GABBR1: variants seen among roughly 807,000 people sequenced by gnomAD.
The protein encoded by GABBR1 is GABA-B receptor, R1 subunit.
In GABBR1, 35 loss-of-function variants were observed where a neutral mutation model predicts 117.7. The observed-to-expected ratio is 0.30, with a 90% CI of 0.23 to 0.39. GABBR1 has a LOEUF of 0.39. Ranked by LOEUF, GABBR1 falls within the 10% of genes least tolerant of loss-of-function variation. The probability of loss-of-function intolerance (pLI) is 1.00; values close to 1 mark genes in which losing one functional copy is unlikely to be tolerated. For synonymous variants in GABBR1, 442 were observed against 486.6 expected (o/e 0.91, Z 1.21); for missense variants, 709 against 1,241.8 (o/e 0.57, Z 6.45).
chr6:29,628,879 A>G (rs560701792), intron 5 of GABBR1, among the ~76,000 whole-genome samples: 46 of 151,604 alleles, frequency 3.0e-4, no homozygotes, highest in Admixed American at 2.7e-3. Flanking sequence ...CCAAGCAGGG[A>G]CAAGGAGAGA....
intron 5 of GABBR1, chr6:29,628,018 G>T: frequency 7.8e-7 from 1 of 1,287,754 alleles, no homozygotes; most frequent in Non-Finnish European, 9.8e-7. Context: ...CTGACTGACC[G>T]ACGGAGGGGA....
chr6:29,629,315 A>T, intron 4 of GABBR1: 1 of 696,642 alleles, frequency 1.4e-6, no homozygotes, highest in Non-Finnish European at 2.6e-6. Context: ...TCGATTTTTC[A>T]TAGGACAACA....
chr6:29,606,902 T>C lies in GABBR1; in HGVS notation c.2212A>G (p.Ile738Val), dbSNP rs1220071446. Residue 738 changes from isoleucine (I) to valine (V), a missense_variant, in exon 18 of 23, where the codon ATT becomes GTT. Ile to Val is a conservative substitution (Grantham distance 29). Around this residue, in one of 9 missense-constraint regions of GABBR1, gnomAD observed 251 missense variants for 445.3 expected, o/e 0.56. Coordinates refer to ENST00000377034, the MANE Select transcript of GABBR1 (RefSeq NM_001470.4). The surrounding 1 kb of genome is among the most constrained non-coding windows in gnomAD (Gnocchi z 4.5). ...WQIVDPLHRT[I>V]ETFAKEEPKE... ...CACCTCCTCTCCAGTGGTACCTCAA[T>C]GGTCCGGTGCAGAGGGTCCACGATC... 2.5e-6 allele frequency: 4 copies of C among 1,613,734 alleles called. No individual in the cohort carries two copies. Among genetic ancestry groups the C allele is most frequent in the Non-Finnish European group, 3.4e-6 (4 of 1,179,582 alleles).
In GABBR1 at chr6:29,608,646, G is replaced by C; in HGVS notation, c.1947C>G (p.Leu649=). ...LALAAVFPLG[L]DGYHIGRNQF... Reference sequence around the variant, plus strand: ...GGTTCCTCCCAATGTGGTAACCATCGAGCCCCAGGGGGAAGACAGCAGCTA... The same window carrying C: ...GGTTCCTCCCAATGTGGTAACCATCCAGCCCCAGGGGGAAGACAGCAGCTA... Residue 649 remains leucine, a synonymous_variant, in exon 16 of 23, where the codon CTC becomes CTG. Coordinates refer to ENST00000377034, the MANE Select transcript of GABBR1 (RefSeq NM_001470.4). 6.2e-7 allele frequency: 1 copy of C among 1,613,020 alleles called. No homozygotes were observed. Among genetic ancestry groups the C allele is most frequent in the Non-Finnish European group, 8.5e-7 (1 of 1,180,008 alleles).
Position 29,632,750 on chromosome 6 carries a change from C to CCCCGCTTCCCCCAGCTGGGCCCTGCG in GABBR1, c.-1+74_-1+99dup. 8.4e-7 allele frequency: 1 copy of CCCCGCTTCCCCCAGCTGGGCCCTGCG among 1,196,376 alleles called. No homozygotes were observed. Among genetic ancestry groups the CCCCGCTTCCCCCAGCTGGGCCCTGCG allele is most frequent in the Non-Finnish European group, 1.1e-6 (1 of 934,908 alleles). 74.1% of individuals were successfully genotyped at this position (1,196,376 alleles called of 1,614,324 possible). On this transcript the variant is annotated intron_variant, in intron 1 of 22. Coordinates refer to ENST00000377034, the MANE Select transcript of GABBR1 (RefSeq NM_001470.4). This position sits in a 1 kb window ranked among gnomAD's most constrained non-coding sequence, Gnocchi z 5.8. ...CCCCGCGGTTCCTCCTCTCCCCCAG[C>CCCCGCTTCCCCCAGCTGGGCCCTGCG]CCCGCTTCCCCCAGCTGGGCCCTGC...
intron 6 of GABBR1, among the ~76,000 whole-genome samples, chr6:29,626,042 A>C (rs1038080303): frequency 6.6e-6 from 1 of 152,204 alleles, no homozygotes; most frequent in Non-Finnish European, 1.5e-5. Context: ...AATACAGATA[A>C]ATACTTGGGA....
Position 29,622,044 on chromosome 6 carries a change from G to T in GABBR1, c.1065+60C>A. 1 of 1,451,404 alleles carries T rather than the reference G, an allele frequency of 6.9e-7. No homozygotes were observed. Among genetic ancestry groups the T allele is most frequent in the Non-Finnish European group, 9.7e-7 (1 of 1,033,936 alleles). 89.9% of individuals were successfully genotyped at this position (1,451,404 alleles called of 1,614,324 possible). On this transcript the variant is annotated intron_variant, in intron 9 of 22. Coordinates refer to ENST00000377034, the MANE Select transcript of GABBR1 (RefSeq NM_001470.4). The surrounding 1 kb of genome is among the most constrained non-coding windows in gnomAD (Gnocchi z 4.6). The stretch of plus-strand genomic sequence containing the variant: ...CCCGCCTGGCTTTCCTCTCCAACCA[G>T]TCACTGTCCCCCAGCTTGGTCCCTC...
At position 29,610,924 on chromosome 6, in the gene GABBR1, CA is replaced by C; in HGVS notation, c.1707del (p.Ile569MetfsTer37). The C allele has an allele frequency of 6.2e-7, 1 of 1,612,106 alleles. No individual in the cohort carries two copies. The highest frequency in any genetic ancestry group is 8.5e-7 in the Non-Finnish European group (1 of 1,179,192). The stretch of plus-strand genomic sequence containing the variant: ...GAAAATACAAACAAGATCCACTCAC[CA>C]ATCCATTTATCTGTTTTGGACCAGG... ...DLSWSKTDKW[I>X]GGSPPADQTL... is the part of the protein sequence containing the mutation. On this transcript the variant is annotated frameshift_variant and splice_region_variant, in exon 14 of 23. Coordinates refer to ENST00000377034, the MANE Select transcript of GABBR1 (RefSeq NM_001470.4). LOFTEE classifies it high-confidence loss of function.
rs1456249495 is a variant in GABBR1 at position 29,608,787 on chromosome 6, G to A, written c.1860-54C>T. 1.9e-6 allele frequency: 3 copies of A among 1,586,438 alleles called. No homozygotes were observed. The African/African-American group carries it at 4.0e-5, about 21-fold the overall frequency. On this transcript the variant is annotated intron_variant, in intron 15 of 22. Coordinates refer to ENST00000377034, the MANE Select transcript of GABBR1 (RefSeq NM_001470.4). ...GAGAGAGAATTACCCCTCTTCTCCA[G>A]GGAGGCTGAGCTCTCCAAATACCAC...
At position 29,621,300 on chromosome 6, in the gene GABBR1, C is replaced by T; in HGVS notation, c.1132-8G>A. 1 of 1,608,474 alleles carries T rather than the reference C, an allele frequency of 6.2e-7. No individual in the cohort carries two copies. Among genetic ancestry groups the T allele is most frequent in the Non-Finnish European group, 8.5e-7 (1 of 1,177,272 alleles). ...GAGACGCTCCTTGTACACCTGAATA[C>T]AGAGGAGAATGGCTGAGTTTTTGTT... is the stretch of plus-strand genomic sequence containing the variant. On this transcript the variant is annotated splice_region_variant and splice_polypyrimidine_tract_variant and intron_variant, in intron 10 of 22. Transcript: ENST00000377034. The surrounding 1 kb of genome is among the most constrained non-coding windows in gnomAD (Gnocchi z 5.0).
chr6:29,603,504 T>C lies in GABBR1; in HGVS notation c.*39A>G, dbSNP rs1036499944. On this transcript the variant is annotated 3_prime_UTR_variant, in exon 23 of 23. Transcript: ENST00000377034. ...AGTCCCCTGCCCTTCCCCTCTCCCT[T>C]TCCCTCCCCCTACTGGCCTGTCCTC... The C allele has an allele frequency of 6.6e-7, 1 of 1,525,192 alleles. No homozygotes were observed. The highest frequency in any genetic ancestry group is 2.4e-5 in the East Asian group (1 of 40,934). 94.5% of individuals were successfully genotyped at this position (1,525,192 alleles called of 1,614,324 possible). A position where few individuals can be genotyped will look rare whatever the true frequency, so the allele number is the denominator to read the frequency against.
rs1417138527 is a variant in GABBR1, at chr6:29,632,674, T to A, written c.-1+176A>T. 1 of 1,402,084 alleles carries A rather than the reference T, an allele frequency of 7.1e-7. No homozygotes were observed. The highest frequency in any genetic ancestry group is 9.3e-7 in the Non-Finnish European group (1 of 1,079,088). The allele number at this position is 1,402,084 out of a possible 1,614,324, so 86.9% of individuals were successfully genotyped here. A position where few individuals can be genotyped will look rare whatever the true frequency, so the allele number is the denominator to read the frequency against. ...CCGGCCCCCGCGGCTCGCAGAAGCCTGGCTTACCCACGCTCCCGGCATCGG... is the reference window on the plus strand; with the variant it reads ...CCGGCCCCCGCGGCTCGCAGAAGCCAGGCTTACCCACGCTCCCGGCATCGG... On this transcript the variant is annotated intron_variant, in intron 1 of 22. Coordinates refer to ENST00000377034, the MANE Select transcript of GABBR1 (RefSeq NM_001470.4). This position sits in a 1 kb window ranked among gnomAD's most constrained non-coding sequence, Gnocchi z 5.8.
chr6:29,603,771 G>C (rs1030588130), intron 22 of GABBR1, 55 bp from the exon 23 acceptor site: 2 of 1,338,784 alleles, frequency 1.5e-6, no homozygotes, highest in African/African-American at 1.5e-5. Context: ...ATGAAGGAGT[G>C]GGGAGGAGGG....
chr6:29,632,297 G>A lies in GABBR1; in HGVS notation c.85+4C>T. 7.3e-7 allele frequency: 1 copy of A among 1,378,388 alleles called. No individual in the cohort carries two copies. The highest frequency in any genetic ancestry group is 3.6e-5 in the Admixed American group (1 of 27,776). The allele number at this position is 1,378,388 out of a possible 1,614,324, so 85.4% of individuals were successfully genotyped here. On this transcript the variant is annotated splice_donor_region_variant and intron_variant, in intron 2 of 22. Transcript: ENST00000377034. This position sits in a 1 kb window ranked among gnomAD's most constrained non-coding sequence, Gnocchi z 5.8. ...GGGCCGGAGGTCGTCGAAGAAGGAT[G>A]CACCTTCTGAGGTGGCGTTGGGGGT...
In GABBR1 at chr6:29,605,611, G is replaced by A. The variant is rs1761863858; in HGVS notation, c.2397C>T (p.Ile799=). The change falls in exon 20 of 23, where the codon ATC becomes ATT. Residue 799 remains isoleucine (I), a synonymous_variant. Transcript: ENST00000377034. The surrounding 1 kb of genome is among the most constrained non-coding windows in gnomAD (Gnocchi z 4.2). ...YETKSVSTEK[I]NDHRAVGMAI... Reference sequence around the variant, plus strand: ...CCATGCCCACAGCCCGGTGATCATTGATCTTCTCAGTGGACACACTCTTGG... The same window carrying A: ...CCATGCCCACAGCCCGGTGATCATTAATCTTCTCAGTGGACACACTCTTGG... 1 of 1,612,920 alleles carries A rather than the reference G, an allele frequency of 6.2e-7. No homozygotes were observed. The highest frequency in any genetic ancestry group is 8.5e-7 in the Non-Finnish European group (1 of 1,180,022).
Position 29,609,136 on chromosome 6 carries a change from T to G in GABBR1, c.1859+93A>C, listed in dbSNP as rs988114883. On this transcript the variant is annotated intron_variant, in intron 15 of 22. Transcript: ENST00000377034. The surrounding 1 kb of genome is among the most constrained non-coding windows in gnomAD (Gnocchi z 4.3). Reference sequence around the variant, plus strand: ...TGAAAAACTCCATGATACATGGCCATGGGAGTTACACAGGTTTTATTCTCA... The same window carrying G: ...TGAAAAACTCCATGATACATGGCCAGGGGAGTTACACAGGTTTTATTCTCA... 7.5e-5 allele frequency: 91 copies of G among 1,217,954 alleles called. No homozygotes were observed. The highest frequency in any genetic ancestry group is 9.9e-5 in the Non-Finnish European group (84 of 850,536). 75.4% of individuals were successfully genotyped at this position (1,217,954 alleles called of 1,614,324 possible).
chr6:29,627,377 T>A lies in GABBR1; in HGVS notation c.657+109A>T. The A allele has an allele frequency of 3.6e-6, 4 of 1,126,240 alleles. No individual in the cohort carries two copies. Among genetic ancestry groups the A allele is most frequent in the Non-Finnish European group, 5.0e-6 (4 of 793,436 alleles). 69.8% of individuals were successfully genotyped at this position (1,126,240 alleles called of 1,614,324 possible). ...TCCTGCCAGTCACACAAGGGAGGGG[T>A]CTGCCTCGCAATCCCAGAGACGACT... On this transcript the variant is annotated intron_variant, in intron 6 of 22. Coordinates refer to ENST00000377034, the MANE Select transcript of GABBR1 (RefSeq NM_001470.4). The surrounding 1 kb of genome is among the most constrained non-coding windows in gnomAD (Gnocchi z 4.4).
intron 11 of GABBR1, among the ~76,000 whole-genome samples, chr6:29,617,281 T>C: frequency 6.7e-6 from 1 of 149,450 alleles, no homozygotes. Context: ...CAAGTCCATA[T>C]TTCTTTTCTT....
At position 29,613,915 on chromosome 6, in the gene GABBR1, G is replaced by A. The variant is rs1452594137; in HGVS notation, c.1324-430C>T. Reference sequence around the variant, plus strand: ...TCTAACAGCTCCTACAATTCCAAAAGATTCTAGAAAAGGTGATAGCAGTCT... The same window carrying A: ...TCTAACAGCTCCTACAATTCCAAAAAATTCTAGAAAAGGTGATAGCAGTCT... On this transcript the variant is annotated intron_variant, in intron 11 of 22. Coordinates refer to ENST00000377034, the MANE Select transcript of GABBR1 (RefSeq NM_001470.4). This position sits in a 1 kb window ranked among gnomAD's most constrained non-coding sequence, Gnocchi z 4.1. Among the ~76,000 whole-genome samples the A allele has an allele frequency of 6.6e-6, 1 of 152,202 alleles. No individual in the cohort carries two copies. Among genetic ancestry groups the A allele is most frequent in the Non-Finnish European group, 1.5e-5 (1 of 68,038 alleles).
Sources: allele counts gnomAD v4.1 joint callset (sites outside exome capture counted in the v4.1 genomes callset), GRCh38; gene constraint gnomAD v4.1.1; regional missense constraint gnomAD v4.1.1; non-coding constraint Gnocchi (gnomAD v3.1); transcripts MANE v1.5; gene names NCBI Gene and HGNC (gene_info 2026-07-23, HGNC 2026-07-21).